The following SERPINB8 variants were observed in gnomAD, a reference collection of about 807,000 sequenced individuals.
SERPINB8 encodes the protein serpin family B member 8.
In SERPINB8, 25 loss-of-function variants were observed where a neutral mutation model predicts 35.3. The ratio of observed to expected loss-of-function variants is 0.71; its 90% confidence interval spans 0.52 to 0.99. SERPINB8 has a LOEUF of 0.99. Among genes scored for constraint, SERPINB8 ranks in the 50% least tolerant of loss-of-function variants. SERPINB8 has a pLI of 0.00. For synonymous variants in SERPINB8, 186 were observed against 160.8 expected (o/e 1.16, Z -1.19); for missense variants, 484 against 446.5 (o/e 1.08, Z -0.76).
downstream of SERPINB8, among the ~76,000 whole-genome samples, chr18:64,006,737 T>G (rs538924002): frequency 4.6e-4 from 70 of 152,332 alleles, no homozygotes; most frequent in Non-Finnish European, 7.5e-4. Context: ...GCTATTATTT[T>G]GAAAATCACT....
At chr18:64,005,115 G>A (rs1167835736) in exon 2 of SERPINB8, 1 of 346,454 alleles carries the variant, frequency 2.9e-6, no homozygotes, top group Non-Finnish European at 5.2e-6. Flanking sequence ...ATTTGGTTAT[G>A]GTAGTTATCA....
At position 63,970,169 on chromosome 18, in the gene SERPINB8, A is replaced by T; in HGVS notation, c.-12A>T. 5.6e-6 allele frequency: 2 copies of T among 356,652 alleles called. No individual in the cohort carries two copies. Among genetic ancestry groups the T allele is most frequent in the South Asian group, 2.1e-5 (1 of 46,690 alleles). The allele number at this position is 356,652 out of a possible 1,614,324, so 22.1% of individuals were successfully genotyped here. A position where few individuals can be genotyped will look rare whatever the true frequency, so the allele number is the denominator to read the frequency against. ...CGGCGGCAGCAGCAGCAGCAGCAGGAGGTGGGGGCCTCTGCCAGGTACCGG... is the reference window on the plus strand; with the variant it reads ...CGGCGGCAGCAGCAGCAGCAGCAGGTGGTGGGGGCCTCTGCCAGGTACCGG... On this transcript the variant is annotated splice_region_variant and 5_prime_UTR_variant, in exon 1 of 7. Coordinates refer to ENST00000397985, the MANE Select transcript of SERPINB8 (RefSeq NM_002640.4).
In SERPINB8 at chr18:63,986,817, T is replaced by A. The variant is rs1221618394; in HGVS notation, c.721-57T>A. 9 of 1,493,136 alleles carry A rather than the reference T, an allele frequency of 6.0e-6. No individual in the cohort carries two copies. In the African/African-American group the frequency reaches 1.3e-4, roughly 21 times the overall value. 92.5% of individuals were successfully genotyped at this position (1,493,136 alleles called of 1,614,324 possible). Reference sequence around the variant, plus strand: ...TTGGGGGAGGGGTAATAAATGGGTGTGTGGGTATCAGGCTATTGTCATCTA... The same window carrying A: ...TTGGGGGAGGGGTAATAAATGGGTGAGTGGGTATCAGGCTATTGTCATCTA... On this transcript the variant is annotated intron_variant, in intron 6 of 6. Transcript: ENST00000397985.
intron 6 of SERPINB8, chr18:63,986,165 G>C (rs1232472006): frequency 8.1e-6 from 9 of 1,105,864 alleles, no homozygotes; most frequent in East Asian, 2.4e-5. Flanking sequence ...CGTTGGAGAG[G>C]AGTACCCACC....
In SERPINB8 at chr18:64,018,419, T is replaced by C. The variant is rs77112857; in HGVS notation, c.*3-491T>C. On this transcript the variant is annotated intron_variant, in intron 7 of 7. Coordinates refer to the SERPINB8 transcript ENST00000636430. ...GCAAAGTGAATTGGAATGCTTAGAA[T>C]TGATTTTTTACAACTAGTAATTTGA... Among the ~76,000 whole-genome samples the C allele has an allele frequency of 4.4e-3, 676 of 152,348 alleles. 4 individuals are homozygous for C. The highest frequency in any genetic ancestry group is 8.0e-3 in the Non-Finnish European group (543 of 68,022).
chr18:63,974,012 A>G (rs1472131069), intron 1 of SERPINB8, among the ~76,000 whole-genome samples: 4 of 152,112 alleles, frequency 2.6e-5, no homozygotes, highest in African/African-American at 9.7e-5. Context: ...AGTTTTTTCC[A>G]ATTCTGTGAA....
Position 63,983,600 on chromosome 18 carries a change from A to C in SERPINB8, c.446A>C (p.Asp149Ala), listed in dbSNP as rs1225974099. Residue 149 changes from aspartate (D) to alanine (A), a missense_variant, in exon 5 of 7, where the codon GAT becomes GCT. Transcript: ENST00000397985. ...KTEGKISEVL[D>A]AGTVDPLTKL... ...ATAGGTAAGATTTCAGAGGTACTGG[A>C]TGCTGGGACAGTCGATCCCCTGACA... is the stretch of plus-strand genomic sequence containing the variant. 1 of 1,613,980 alleles carries C rather than the reference A, an allele frequency of 6.2e-7. No homozygotes were observed. Among genetic ancestry groups the C allele is most frequent in the East Asian group, 2.2e-5 (1 of 44,886 alleles).
Position 64,017,828 on chromosome 18 carries a change from C to T in SERPINB8, c.*3-1082C>T, listed in dbSNP as rs1369554524. Among the ~76,000 whole-genome samples the T allele has an allele frequency of 2.0e-5, 3 of 152,134 alleles. No homozygotes were observed. In the East Asian group the frequency reaches 5.8e-4, roughly 29 times the overall value. ...AAGGATAAGTAAAATGACTTTTGCTCATTTATCTACTAATCATGACTGTGC... is the reference window on the plus strand; with the variant it reads ...AAGGATAAGTAAAATGACTTTTGCTTATTTATCTACTAATCATGACTGTGC... On this transcript the variant is annotated intron_variant, in intron 7 of 7. Transcript: ENST00000636430.
At chr18:63,997,474 A>G (rs957040757) in intron 1 of SERPINB8, among the ~76,000 whole-genome samples, 1 of 152,180 alleles carries the variant, frequency 6.6e-6, no homozygotes, top group Non-Finnish European at 1.5e-5. Context: ...GCCAATGGGA[A>G]CTCAGATACA....
At chr18:63,996,094 G>T (rs929773388) in intron 1 of SERPINB8, among the ~76,000 whole-genome samples, 1 of 152,150 alleles carries the variant, frequency 6.6e-6, no homozygotes, top group African/African-American at 2.4e-5. Flanking sequence ...AGCACTGATG[G>T]TTGGCTTCCT....
At position 64,013,074 on chromosome 18, in the gene SERPINB8, A is replaced by G. The variant is rs867705669; in HGVS notation, c.*3-5836A>G. Among the ~76,000 whole-genome samples the G allele has an allele frequency of 1.6e-4, 25 of 152,240 alleles. No homozygotes were observed. The Middle Eastern group carries it at 0.01, about 62-fold the overall frequency. ...GGGCAGCTTTTAAGAATTACTTTCC[A>G]AAGAAGTTCACAATTTTTTTTTTCT... On this transcript the variant is annotated intron_variant, in intron 7 of 7. Transcript: ENST00000636430.
rs116122219 is a variant in SERPINB8 at position 64,004,621 on chromosome 18, A to G, written c.71-198A>G. Among the ~76,000 whole-genome samples, 414 of 152,310 alleles carry G rather than the reference A, an allele frequency of 2.7e-3. 3 individuals are homozygous for G. The highest frequency in any genetic ancestry group is 9.7e-3 in the African/African-American group (404 of 41,564). ...TTTTAAATAAAAAGTATATTTTAATATTTCAGAATATTTGGAAATTTGAAA... is the reference window on the plus strand; with the variant it reads ...TTTTAAATAAAAAGTATATTTTAATGTTTCAGAATATTTGGAAATTTGAAA... On this transcript the variant is annotated intron_variant, in intron 1 of 1. Coordinates refer to the SERPINB8 transcript ENST00000493661.
chr18:63,985,543 A>G (rs1047613098), intron 6 of SERPINB8, among the ~76,000 whole-genome samples: 5 of 152,228 alleles, frequency 3.3e-5, no homozygotes, highest in African/African-American at 1.2e-4. Flanking sequence ...TGATTATTGC[A>G]CAAAAGTCCT....
At chr18:63,983,960 C>T (rs1207274174) in intron 5 of SERPINB8, among the ~76,000 whole-genome samples, 2 of 152,188 alleles carry the variant, frequency 1.3e-5, no homozygotes, top group African/African-American at 4.8e-5. Flanking sequence ...GATTCCCCAA[C>T]CTTAGCTTCC....
chr18:63,996,106 A>C (rs2050847884), intron 1 of SERPINB8, among the ~76,000 whole-genome samples: 1 of 152,152 alleles, frequency 6.6e-6, no homozygotes. Flanking sequence ...TGGCTTCCTG[A>C]GAAAGGAACT....
At chr18:64,007,597 T>C (rs555182041), downstream of SERPINB8, among the ~76,000 whole-genome samples, 15 of 152,348 alleles carry the variant, frequency 9.8e-5, no homozygotes, top group South Asian at 2.9e-3. Flanking sequence ...CTACAGGTTG[T>C]ACAGGATTCT....
Position 63,987,390 on chromosome 18 carries a change from C to A in SERPINB8, c.*112C>A. The A allele has an allele frequency of 1.8e-6, 2 of 1,094,788 alleles. No homozygotes were observed. Among genetic ancestry groups the A allele is most frequent in the Non-Finnish European group, 2.6e-6 (2 of 757,010 alleles). 67.8% of individuals were successfully genotyped at this position (1,094,788 alleles called of 1,614,324 possible). ...CTTGAATGCCAAAATAAAGCGTGTG[C>A]ACTGGATAGTGTGTGAAAGTCTTTG... is the stretch of plus-strand genomic sequence containing the variant. On this transcript the variant is annotated 3_prime_UTR_variant, in exon 7 of 7. Coordinates refer to ENST00000397985, the MANE Select transcript of SERPINB8 (RefSeq NM_002640.4).
intron 2 of SERPINB8, 108 bp from the exon 3 acceptor site, chr18:63,979,693 T>A: frequency 7.3e-7 from 1 of 1,374,856 alleles, no homozygotes; most frequent in Non-Finnish European, 1.0e-6. Flanking sequence ...CAAACCTTTT[T>A]AAAGTAGGAT....
chr18:63,992,575 A>G (rs1372002223), downstream of SERPINB8, among the ~76,000 whole-genome samples: 1 of 152,002 alleles, frequency 6.6e-6, no homozygotes, highest in East Asian at 1.9e-4. Context: ...GATTTTCACT[A>G]TTGTTTTTCT....
Sources: gnomAD v4.1 joint callset for allele counts (sites outside exome capture counted in the v4.1 genomes callset) on GRCh38, gnomAD v4.1.1 for gene constraint, MANE v1.5 for transcripts, NCBI Gene and HGNC (gene_info 2026-07-23, HGNC 2026-07-21) for gene names.